SLC30A8: variants seen among roughly 807,000 people sequenced by gnomAD.
The protein encoded by SLC30A8 is proton-coupled zinc antiporter SLC30A8.
In SLC30A8, 27 loss-of-function variants were observed where a neutral mutation model predicts 36.9. That is an observed-to-expected ratio of 0.73 (90% CI 0.54 to 1.01). The LOEUF is 1.01. SLC30A8 is among the 50% of genes least tolerant of loss of function. The pLI is 0.00. For missense variants in SLC30A8, 439 were observed against 452.0 expected (o/e 0.97, Z 0.26); for synonymous variants, 164 against 172.4 (o/e 0.95, Z 0.38).
intron 2 of SLC30A8, among the ~76,000 whole-genome samples, chr8:117,066,988 C>T (rs1039211798): frequency 2.0e-5 from 3 of 152,106 alleles, no homozygotes; most frequent in African/African-American, 7.2e-5. Context: ...AATTGACTTA[C>T]AGTTCAGCAT....
intron 1 of SLC30A8, among the ~76,000 whole-genome samples, chr8:117,010,970 G>A (rs907344054): frequency 2.3e-4 from 35 of 152,132 alleles, no homozygotes; most frequent in African/African-American, 6.5e-4. Context: ...CTCCAGCACC[G>A]GAGATTACAG....
At chr8:116,994,969 T>G (rs1310409432) in intron 1 of SLC30A8, among the ~76,000 whole-genome samples, 2 of 152,152 alleles carry the variant, frequency 1.3e-5, no homozygotes, top group African/African-American at 2.4e-5. Flanking sequence ...TTCTTTTTAC[T>G]TTCTCTCAAT....
chr8:117,139,156 C>A (rs1821515949), intron 1 of SLC30A8, among the ~76,000 whole-genome samples: 1 of 152,046 alleles, frequency 6.6e-6, no homozygotes, highest in Non-Finnish European at 1.5e-5. Context: ...TCAAATATTA[C>A]CCCTATAAAG....
intron 1 of SLC30A8, among the ~76,000 whole-genome samples, chr8:117,033,118 C>T (rs555505179): frequency 6.6e-6 from 1 of 152,176 alleles, no homozygotes; most frequent in African/African-American, 2.4e-5. Flanking sequence ...TTGGCATGAC[C>T]ATGGGACACA....
intron 1 of SLC30A8, among the ~76,000 whole-genome samples, chr8:116,995,073 C>T (rs187596606): frequency 1.1e-4 from 16 of 152,090 alleles, no homozygotes; most frequent in East Asian, 5.8e-4. Flanking sequence ...TAATGTAATG[C>T]GGTGTAAATG....
chr8:116,980,548 A>T (rs1418946854), intron 1 of SLC30A8, among the ~76,000 whole-genome samples: 1 of 152,152 alleles, frequency 6.6e-6, no homozygotes, highest in East Asian at 1.9e-4. Flanking sequence ...TGGGGATATA[A>T]AGTGTCATCT....
At chr8:117,129,117 C>T (rs1396793209) in intron 2 of SLC30A8, among the ~76,000 whole-genome samples, 1 of 151,970 alleles carries the variant, frequency 6.6e-6, no homozygotes, top group Non-Finnish European at 1.5e-5. Context: ...ATCACATCTA[C>T]CCAGCAAGGA....
At chr8:116,990,751 A>G (rs1181573757) in intron 1 of SLC30A8, among the ~76,000 whole-genome samples, 1 of 152,216 alleles carries the variant, frequency 6.6e-6, no homozygotes, top group Non-Finnish European at 1.5e-5. Flanking sequence ...CAAATGCACC[A>G]TGATAATGTA....
intron 1 of SLC30A8, among the ~76,000 whole-genome samples, chr8:116,954,183 G>A (rs1266872325): frequency 1.3e-5 from 2 of 152,170 alleles, no homozygotes; most frequent in Non-Finnish European, 2.9e-5. Context: ...TGAGTAGATG[G>A]TAATATCATT....
intron 2 of SLC30A8, among the ~76,000 whole-genome samples, chr8:117,095,010 C>G (rs1819296971): frequency 6.6e-6 from 1 of 152,222 alleles, no homozygotes; most frequent in Non-Finnish European, 1.5e-5. Flanking sequence ...ATGCCAGGAG[C>G]AGGCCAGGCA....
intron 1 of SLC30A8, among the ~76,000 whole-genome samples, chr8:117,135,997 T>C (rs1052238182): frequency 1.3e-5 from 2 of 151,914 alleles, no homozygotes; most frequent in Non-Finnish European, 2.9e-5. Context: ...GCAGAACTTA[T>C]AATGAGAAAG....
chr8:117,174,973 G>C lies in SLC30A8; in HGVS notation c.*2292G>C, dbSNP rs527973869. ...TTATGAACCATCCATCAATTCTGAAGTTCTGACTCTCCCATTACCCTTTCC... is the reference window on the plus strand; with the variant it reads ...TTATGAACCATCCATCAATTCTGAACTTCTGACTCTCCCATTACCCTTTCC... On this transcript the variant is annotated 3_prime_UTR_variant, in exon 8 of 8. Coordinates refer to ENST00000456015, the MANE Select transcript of SLC30A8 (RefSeq NM_173851.3). The C allele has an allele frequency of 6.6e-6, 1 of 152,170 alleles. No individual in the cohort carries two copies. The highest frequency in any genetic ancestry group is 6.5e-5 in the Admixed American group (1 of 15,278). 9.4% of individuals were successfully genotyped at this position (152,170 alleles called of 1,614,324 possible).
chr8:117,107,827 A>G (rs1820057872), intron 2 of SLC30A8, among the ~76,000 whole-genome samples: 1 of 152,184 alleles, frequency 6.6e-6, no homozygotes, highest in African/African-American at 2.4e-5. Context: ...TAAAGACAGT[A>G]ATCTGAGGTT....
At chr8:117,097,036 G>GCCTT (rs1819395223) in intron 2 of SLC30A8, among the ~76,000 whole-genome samples, 1 of 151,846 alleles carries the variant, frequency 6.6e-6, no homozygotes, top group Non-Finnish European at 1.5e-5. Context: ...TCCCATTTTT[G>GCCTT]CCTTCATGGA....
chr8:117,125,139 C>G (rs954336435), intron 2 of SLC30A8, among the ~76,000 whole-genome samples: 1 of 151,924 alleles, frequency 6.6e-6, no homozygotes, highest in Non-Finnish European at 1.5e-5. Context: ...AACCGATCTC[C>G]AGGTAGTTTA....
intron 2 of SLC30A8, among the ~76,000 whole-genome samples, chr8:117,097,354 G>A (rs1162130917): frequency 1.9e-4 from 22 of 115,376 alleles, no homozygotes; most frequent in African/African-American, 5.5e-4. Flanking sequence ...CCGAGATCGC[G>A]CCACTGCACT....
chr8:117,124,123 G>A (rs887228719), intron 2 of SLC30A8, among the ~76,000 whole-genome samples: 1 of 151,966 alleles, frequency 6.6e-6, no homozygotes, highest in African/African-American at 2.4e-5. Context: ...CAAAAGTAGT[G>A]CCTTTTCATG....
chr8:117,096,879 C>T (rs1737632815), intron 2 of SLC30A8, among the ~76,000 whole-genome samples: 1 of 152,078 alleles, frequency 6.6e-6, no homozygotes, highest in African/African-American at 2.4e-5. Flanking sequence ...CCCACTCACA[C>T]ACAAAATCAT....
chr8:117,077,320 CT>C (rs373529164), intron 2 of SLC30A8, among the ~76,000 whole-genome samples: 18 of 152,270 alleles, frequency 1.2e-4, no homozygotes, highest in African/African-American at 4.1e-4. Flanking sequence ...CTTCAAGCTT[CT>C]GATTCTTTTC....
Sources: allele counts gnomAD v4.1 joint callset (sites outside exome capture counted in the v4.1 genomes callset), GRCh38; gene constraint gnomAD v4.1.1; transcripts MANE v1.5; gene names NCBI Gene and HGNC (gene_info 2026-07-23, HGNC 2026-07-21).